TRIO: variants seen among roughly 807,000 people sequenced by gnomAD.
The protein encoded by TRIO is trio Rho guanine nucleotide exchange factor.
TRIO carries 58 observed loss-of-function variants against 351.9 expected under a neutral mutation model. The observed-to-expected ratio is 0.16, with a 90% CI of 0.13 to 0.21. The LOEUF is 0.21. Ranked by LOEUF, TRIO falls within the 10% of genes least tolerant of loss-of-function variation. The pLI, the probability that TRIO is intolerant of heterozygous loss-of-function variation, is 1.00. For synonymous variants in TRIO, 1,758 were observed against 1,595.7 expected (o/e 1.10, Z -2.42); for missense variants, 3,201 against 4,027.8 (o/e 0.79, Z 5.56).
chr5:14,399,002 T>G lies in TRIO; in HGVS notation c.4546T>G (p.Leu1516Val). The G allele has an allele frequency of 6.2e-7, 1 of 1,614,166 alleles. No homozygotes were observed. The highest frequency in any genetic ancestry group is 8.5e-7 in the Non-Finnish European group (1 of 1,180,004). ...ERHLFLFEMS[L>V]VFSKEVKDSS... ...GCATCTCTTCCTTTTTGAAATGTCC[T>G]TAGTATTTAGTAAAGAAGTGAAAGA... The change falls in exon 30 of 57, where the codon TTA becomes GTA. Residue 1516 changes from leucine (L) to valine (V), a missense_variant. Leu to Val is a conservative substitution (Grantham distance 32). Coordinates refer to ENST00000344204, the MANE Select transcript of TRIO (RefSeq NM_007118.4).
In TRIO at chr5:14,238,992, G is replaced by A. The variant is rs1230306978; in HGVS notation, c.158-31833G>A. On this transcript the variant is annotated intron_variant, in intron 1 of 56. Coordinates refer to ENST00000344204, the MANE Select transcript of TRIO (RefSeq NM_007118.4). Reference sequence around the variant, plus strand: ...TTGTATCACTGCAGTGAATGGTGACGCCGATGAGGCTTGTGCTGTTGGACT... The same window carrying A: ...TTGTATCACTGCAGTGAATGGTGACACCGATGAGGCTTGTGCTGTTGGACT... 2.6e-5 allele frequency among the ~76,000 whole-genome samples: 4 copies of A among 152,192 alleles called. No individual in the cohort carries two copies. The East Asian group carries it at 7.7e-4, about 29-fold the overall frequency.
intron 1 of TRIO, among the ~76,000 whole-genome samples, chr5:14,174,222 C>T (rs1011990105): frequency 2.0e-5 from 3 of 152,188 alleles, no homozygotes; most frequent in Admixed American, 6.5e-5. Context: ...GTTTGCCCTA[C>T]GCTTTCAGAG....
chr5:14,250,229 C>T (rs917983472), intron 1 of TRIO, among the ~76,000 whole-genome samples: 64 of 152,198 alleles, frequency 4.2e-4, no homozygotes, highest in Non-Finnish European at 3.1e-4. Context: ...CTGCCGGCCA[C>T]GTGGCCAGCA....
chr5:14,502,974 G>A (rs964799790), intron 54 of TRIO, among the ~76,000 whole-genome samples: 5 of 152,228 alleles, frequency 3.3e-5, no homozygotes, highest in African/African-American at 4.8e-5. Flanking sequence ...TCTTTCAAAC[G>A]CTTCTTGTAG....
chr5:14,264,732 G>A (rs1795559694), intron 1 of TRIO, among the ~76,000 whole-genome samples: 1 of 152,196 alleles, frequency 6.6e-6, no homozygotes, highest in Non-Finnish European at 1.5e-5. Flanking sequence ...GGGCAGCCAC[G>A]TGCGGCCGCT....
At position 14,461,158 on chromosome 5, in the gene TRIO, G is replaced by T. The variant is rs1378208640; in HGVS notation, c.5343G>T (p.Val1781=). 6.4e-7 allele frequency: 1 copy of T among 1,556,686 alleles called. No individual in the cohort carries two copies. The highest frequency in any genetic ancestry group is 1.9e-5 in the Admixed American group (1 of 51,752). ...TGCGCAAGTGGCTCACCAGCCCCGT[G>T]CGGCGGCTCAGCAGCGGCAAGGCCG... ...NTLRKWLTSP[V]RRLSSGKADG... is the part of the protein sequence containing the mutation. Residue 1781 remains valine, a synonymous_variant, in exon 35 of 57, where the codon GTG becomes GTT. Transcript: ENST00000344204.
intron 33 of TRIO, among the ~76,000 whole-genome samples, chr5:14,412,695 A>G (rs574386837): frequency 3.2e-4 from 49 of 152,334 alleles, no homozygotes; most frequent in African/African-American, 7.0e-4. Flanking sequence ...TAAGCATGAA[A>G]TTGAGTCATT....
intron 37 of TRIO, among the ~76,000 whole-genome samples, chr5:14,469,539 A>T (rs1023581443): frequency 2.0e-5 from 3 of 152,246 alleles, no homozygotes; most frequent in African/African-American, 7.2e-5. Context: ...AAACCCAGAG[A>T]GTTTCACAAA....
At chr5:14,204,363 G>T (rs772838101) in intron 1 of TRIO, among the ~76,000 whole-genome samples, 13 of 152,186 alleles carry the variant, frequency 8.5e-5, no homozygotes, top group Non-Finnish European at 1.5e-4. Flanking sequence ...TTCCTTGGTC[G>T]ATGGTCACAG....
intron 30 of TRIO, among the ~76,000 whole-genome samples, chr5:14,400,667 G>A (rs1027743963): frequency 6.6e-6 from 1 of 152,150 alleles, no homozygotes; most frequent in Non-Finnish European, 1.5e-5. Context: ...GTCGAATCTT[G>A]ATTGTCAGAT....
In TRIO at chr5:14,366,891, T is replaced by C. The variant is rs1226245080; in HGVS notation, c.2786T>C (p.Met929Thr). The change falls in exon 16 of 57, where the codon ATG becomes ACG. Residue 929 changes from methionine to threonine, a missense_variant. By Grantham distance (81) the Met-to-Thr change is moderately conservative. This residue lies in a region of TRIO where 363 missense variants were observed against 553.5 expected (regional missense o/e 0.66). Coordinates refer to ENST00000344204, the MANE Select transcript of TRIO (RefSeq NM_007118.4). Reference sequence around the variant, plus strand: ...GGTTGGATCCGCAACGGAGAGTCCATGTTAAATGCCGGACTTATCACAGCC... The same window carrying C: ...GGTTGGATCCGCAACGGAGAGTCCACGTTAAATGCCGGACTTATCACAGCC... ...VLGWIRNGES[M>T]LNAGLITASS... 1 of 1,614,164 alleles carries C rather than the reference T, an allele frequency of 6.2e-7. No individual in the cohort carries two copies. The highest frequency in any genetic ancestry group is 2.2e-5 in the East Asian group (1 of 44,880).
At chr5:14,491,125 C>A (rs951778157) in intron 48 of TRIO, among the ~76,000 whole-genome samples, 1 of 152,182 alleles carries the variant, frequency 6.6e-6, no homozygotes, top group Non-Finnish European at 1.5e-5. Context: ...GCCCTGGCAC[C>A]TGGAATTCCC....
At chr5:14,472,021 T>C (rs1754729774) in intron 38 of TRIO, among the ~76,000 whole-genome samples, 1 of 152,004 alleles carries the variant, frequency 6.6e-6, no homozygotes, top group Non-Finnish European at 1.5e-5. Flanking sequence ...AGGTGCCAGG[T>C]TGATGTTGGT....
intron 34 of TRIO, 87 bp downstream of exon 34, chr5:14,420,108 G>T: frequency 1.9e-6 from 3 of 1,538,956 alleles, no homozygotes; most frequent in Non-Finnish European, 2.6e-6. Context: ...GCCTGTTAAT[G>T]TGCATGAGCT....
chr5:14,292,981 T>C (rs1368219547), intron 5 of TRIO, 31 bp from the exon 6 acceptor site: 1 of 1,613,468 alleles, frequency 6.2e-7, no homozygotes, highest in Non-Finnish European at 8.5e-7. Flanking sequence ...CTTTCTGGAG[T>C]GATTGCGGGT....
chr5:14,400,472 C>T lies in TRIO; in HGVS notation c.4615-491C>T, dbSNP rs190137298. 1.1e-4 allele frequency among the ~76,000 whole-genome samples: 16 copies of T among 152,090 alleles called. No individual in the cohort carries two copies. The South Asian group carries it at 2.9e-3, about 28-fold the overall frequency. On this transcript the variant is annotated intron_variant, in intron 30 of 56. Transcript: ENST00000344204. ...TTACAGAGGGATTTTGCCTCTTAGC[C>T]GTTAAAATTATTGATGAAATACTAA...
chr5:14,174,023 CAG>C (rs1218598167), intron 1 of TRIO, among the ~76,000 whole-genome samples: 2 of 152,210 alleles, frequency 1.3e-5, no homozygotes, highest in Non-Finnish European at 2.9e-5. Context: ...GAAAGTAAGA[CAG>C]AGAAATATGT....
chr5:14,472,683 T>A, intron 39 of TRIO, 25 bp downstream of exon 39: 1 of 1,612,532 alleles, frequency 6.2e-7, no homozygotes. Context: ...AAATTTAGTA[T>A]CTTCGTATCA....
chr5:14,198,096 T>A (rs1361226763), intron 1 of TRIO, among the ~76,000 whole-genome samples: 1 of 152,210 alleles, frequency 6.6e-6, no homozygotes, highest in Non-Finnish European at 1.5e-5. Context: ...ACAATATGCA[T>A]CATAGAAATT....
Sources: gnomAD v4.1 joint callset for allele counts (sites outside exome capture counted in the v4.1 genomes callset) on GRCh38, gnomAD v4.1.1 for gene constraint, gnomAD v4.1.1 regional missense constraint, MANE v1.5 for transcripts, NCBI Gene and HGNC (gene_info 2026-07-23, HGNC 2026-07-21) for gene names.